The following HYDIN variants were observed in gnomAD, a reference collection of about 807,000 sequenced individuals.
HYDIN encodes the protein HYDIN axonemal central pair apparatus protein, also known as axonemal central pair apparatus protein HYDIN.
A neutral mutation model predicts 403.9 loss-of-function variants in HYDIN; 132 were observed. That is an observed-to-expected ratio of 0.33 (90% CI 0.28 to 0.38). The LOEUF (loss-of-function observed/expected upper bound fraction) is 0.38, where lower values mean the gene tolerates loss of function less well. Among genes scored for constraint, HYDIN ranks in the 10% least tolerant of loss-of-function variants. HYDIN has a pLI of 1.00. For synonymous variants in HYDIN, 1,202 were observed against 1,891.7 expected (o/e 0.64, Z 9.46); for missense variants, 2,827 against 5,009.5 (o/e 0.56, Z 13.15).
intron 18 of HYDIN, among the ~76,000 whole-genome samples, chr16:71,048,802 C>A (rs1257144785): frequency 1.3e-5 from 2 of 152,188 alleles, no homozygotes; most frequent in Non-Finnish European, 2.9e-5. Context: ...ATAATCTGTA[C>A]ACCAAATCCC....
At position 71,020,402 on chromosome 16, in the gene HYDIN, G is replaced by A. The variant is rs1026686383; in HGVS notation, c.3187-85C>T. 2.7e-6 allele frequency: 4 copies of A among 1,489,236 alleles called. No homozygotes were observed. In the African/African-American group the frequency reaches 5.7e-5, roughly 21 times the overall value. 92.3% of individuals were successfully genotyped at this position (1,489,236 alleles called of 1,614,324 possible). A position where few individuals can be genotyped will look rare whatever the true frequency, so the allele number is the denominator to read the frequency against. ...CAACAAGTCTCAGGTTCATTGTTTA[G>A]AACAAATTTAGCAATCTTTCTTTTT... is the stretch of plus-strand genomic sequence containing the variant. On this transcript the variant is annotated intron_variant, in intron 21 of 85. Coordinates refer to ENST00000393567, the MANE Select transcript of HYDIN (RefSeq NM_001270974.2).
intron 39 of HYDIN, among the ~76,000 whole-genome samples, chr16:70,958,295 T>C (rs1402041289): frequency 6.6e-6 from 1 of 152,126 alleles, no homozygotes; most frequent in East Asian, 1.9e-4. Flanking sequence ...TGTTAAGCTG[T>C]TCTTCATGAA....
At chr16:70,813,510 G>T (rs1247558803) in intron 84 of HYDIN, among the ~76,000 whole-genome samples, 1 of 150,796 alleles carries the variant, frequency 6.6e-6, no homozygotes, top group Admixed American at 6.6e-5. Flanking sequence ...GAGAGACCCT[G>T]AGCCCAAACC....
chr16:70,851,302 G>A (rs1038809678), intron 73 of HYDIN, among the ~76,000 whole-genome samples: 1 of 150,972 alleles, frequency 6.6e-6, no homozygotes, highest in Non-Finnish European at 1.5e-5. Context: ...TACAGAATGG[G>A]AGGAATTATT....
chr16:71,013,294 G>A (rs2080149925), intron 23 of HYDIN, among the ~76,000 whole-genome samples: 2 of 152,166 alleles, frequency 1.3e-5, no homozygotes, highest in South Asian at 4.2e-4. Flanking sequence ...GGGCTGGGGA[G>A]GAGCTTCCAG....
At position 71,130,470 on chromosome 16, in the gene HYDIN, GTTTTTTTTT is replaced by G. The variant is rs56853905; in HGVS notation, c.1044-656_1044-648del. Among the ~76,000 whole-genome samples, 53 of 75,828 alleles carry G rather than the reference GTTTTTTTTT, an allele frequency of 7.0e-4. No homozygotes were observed. In the East Asian group the frequency reaches 0.023, roughly 33 times the overall value. 49.7% of individuals were successfully genotyped at this position (75,828 alleles called of 152,430 possible). On this transcript the variant is annotated intron_variant, in intron 8 of 85. Coordinates refer to ENST00000393567, the MANE Select transcript of HYDIN (RefSeq NM_001270974.2). Reference sequence around the variant, plus strand: ...AAAGCTGGCAACTCCATATATACCGGTTTTTTTTTTTTTTTTTTTTTTTTTTTTGAGACG... The same window carrying G: ...AAAGCTGGCAACTCCATATATACCGGTTTTTTTTTTTTTTTTTTTGAGACG...
rs1055473759 is a variant in HYDIN at position 71,230,640 on chromosome 16, G to A, written c.-102C>T. ...CCGCGTCCAACTCACAGACCCCGCC[G>A]CCGCTGAGGGGCTCCATACCCAGCT... is the stretch of plus-strand genomic sequence containing the variant. On this transcript the variant is annotated 5_prime_UTR_variant, in exon 1 of 86. Coordinates refer to ENST00000393567, the MANE Select transcript of HYDIN (RefSeq NM_001270974.2). The A allele has an allele frequency of 3.3e-6, 5 of 1,535,836 alleles. No individual in the cohort carries two copies. Among genetic ancestry groups the A allele is most frequent in the South Asian group, 1.2e-5 (1 of 84,046 alleles).
intron 60 of HYDIN, among the ~76,000 whole-genome samples, chr16:70,881,026 G>GTTT (rs2040761570): frequency 4.1e-5 from 6 of 146,316 alleles, no homozygotes; most frequent in Admixed American, 2.7e-4. Context: ...AGGAGTTCGA[G>GTTT]ACCAACCTGG....
At chr16:71,222,547 T>C (rs1324390996) in intron 1 of HYDIN, among the ~76,000 whole-genome samples, 1 of 152,150 alleles carries the variant, frequency 6.6e-6, no homozygotes, top group Non-Finnish European at 1.5e-5. Context: ...AAACTGTCAC[T>C]GTTTGCCAGT....
At chr16:70,905,565 C>A (rs1436677506) in intron 50 of HYDIN, among the ~76,000 whole-genome samples, 2 of 140,292 alleles carry the variant, frequency 1.4e-5, no homozygotes, top group African/African-American at 2.7e-5. Flanking sequence ...CCTGGGAGCT[C>A]AAGGCTGCAG....
chr16:70,853,312 C>A (rs1277860224), intron 73 of HYDIN, among the ~76,000 whole-genome samples: 1 of 149,004 alleles, frequency 6.7e-6, no homozygotes, highest in South Asian at 2.1e-4. Flanking sequence ...CGTTTTTTTT[C>A]TTTTTTTTTT....
intron 1 of HYDIN, among the ~76,000 whole-genome samples, chr16:71,190,346 T>A (rs77972977): frequency 6.8e-5 from 10 of 147,966 alleles, no homozygotes; most frequent in East Asian, 2.0e-4. Context: ...AATTTGAGCA[T>A]AAAAAAAAAA....
At position 70,808,314 on chromosome 16, in the gene HYDIN, G is replaced by A. The variant is rs79120463; in HGVS notation, c.14884-252C>T. Among the ~76,000 whole-genome samples, 74 of 152,270 alleles carry A rather than the reference G, an allele frequency of 4.9e-4. No individual in the cohort carries two copies. In the East Asian group the frequency reaches 0.012, roughly 25 times the overall value. ...GTACTGAGACACACAGCCACATTAC[G>A]TTAATAGGGCAGTCATGGATGCTGA... is the stretch of plus-strand genomic sequence containing the variant. On this transcript the variant is annotated intron_variant, in intron 85 of 85. Coordinates refer to ENST00000393567, the MANE Select transcript of HYDIN (RefSeq NM_001270974.2).
In HYDIN at chr16:70,808,317, A is replaced by T. The variant is rs1312877537; in HGVS notation, c.14884-255T>A. 3.3e-5 allele frequency among the ~76,000 whole-genome samples: 5 copies of T among 152,322 alleles called. 1 individual carries two copies. The highest frequency in any genetic ancestry group is 1.2e-4 in the African/African-American group (5 of 41,574). On this transcript the variant is annotated intron_variant, in intron 85 of 85. Coordinates refer to ENST00000393567, the MANE Select transcript of HYDIN (RefSeq NM_001270974.2). ...CTGAGACACACAGCCACATTACGTT[A>T]ATAGGGCAGTCATGGATGCTGATCC...
Position 70,889,645 on chromosome 16 carries a change from G to A in HYDIN, c.9716C>T (p.Ser3239Phe), listed in dbSNP as rs374378500. Residue 3239 changes from serine to phenylalanine, a missense_variant, in exon 58 of 86, where the codon TCT (serine) becomes TTT (phenylalanine). Coordinates refer to ENST00000393567, the MANE Select transcript of HYDIN (RefSeq NM_001270974.2). ...GTCAGAGAACTTGGCTGCTCTGGAAGAGCCAGTTTTGTAGAAGCTCTCACT... is the reference window on the plus strand; with the variant it reads ...GTCAGAGAACTTGGCTGCTCTGGAAAAGCCAGTTTTGTAGAAGCTCTCACT... Reference protein sequence around the residue: ...RESESFYKTGSSRAAKFSDTI... With the variant: ...RESESFYKTGFSRAAKFSDTI... The A allele has an allele frequency of 7.7e-4, 514 of 663,866 alleles. No individual in the cohort carries two copies. In the African/African-American group the frequency reaches 8.5e-3, roughly 11 times the overall value. The allele number at this position is 663,866 out of a possible 1,614,324, so 41.1% of individuals were successfully genotyped here.
intron 55 of HYDIN, chr16:70,893,896 T>C (rs2041622369): frequency 6.5e-6 from 1 of 152,798 alleles, no homozygotes; most frequent in African/African-American, 2.4e-5. Context: ...ACTATTTGGA[T>C]TGTACAATAT....
chr16:71,035,511 C>T (rs1330053665), intron 18 of HYDIN, among the ~76,000 whole-genome samples: 1 of 134,442 alleles, frequency 7.4e-6, no homozygotes, highest in Non-Finnish European at 1.7e-5. Flanking sequence ...TGACTTTTAT[C>T]ATTTTCAGTT....
intron 18 of HYDIN, among the ~76,000 whole-genome samples, chr16:71,050,554 T>C (rs1463711894): frequency 1.3e-5 from 2 of 152,252 alleles, no homozygotes; most frequent in Non-Finnish European, 2.9e-5. Context: ...TATTTATCCA[T>C]CCCTCCCACT....
intron 4 of HYDIN, among the ~76,000 whole-genome samples, chr16:71,178,419 C>CAAAA (rs72161442): frequency 1.6e-5 from 2 of 124,008 alleles, no homozygotes; most frequent in Admixed American, 8.3e-5. Context: ...AACTCTGTCT[C>CAAAA]AAAAAAAAAA....
Sources: gnomAD v4.1 joint callset for allele counts (sites outside exome capture counted in the v4.1 genomes callset) on GRCh38, gnomAD v4.1.1 for gene constraint, MANE v1.5 for transcripts, NCBI Gene and HGNC (gene_info 2026-07-23, HGNC 2026-07-21) for gene names.